The following TEX15 variants were observed in gnomAD, a reference collection of about 807,000 sequenced individuals.
TEX15 encodes the protein testis expressed 15, meiosis and synapsis associated, also known as testis-expressed protein 15.
A neutral mutation model predicts 237.3 loss-of-function variants in TEX15; 171 were observed. The observed-to-expected ratio is 0.72, with a 90% CI of 0.64 to 0.82. The LOEUF is 0.82. Ranked by LOEUF, TEX15 falls within the 40% of genes least tolerant of loss-of-function variation. TEX15 has a pLI of 0.00. For missense variants in TEX15, 3,750 were observed against 3,646.5 expected (o/e 1.03, Z -0.73); for synonymous variants, 1,338 against 1,269.8 (o/e 1.05, Z -1.14).
At position 30,843,221 on chromosome 8, in the gene TEX15, C is replaced by G. The variant is rs780265053; in HGVS notation, c.6946G>C (p.Asp2316His). The G allele has an allele frequency of 6.2e-6, 10 of 1,613,298 alleles. No homozygotes were observed. Among genetic ancestry groups the G allele is most frequent in the African/African-American group, 1.3e-5 (1 of 74,904 alleles). The change falls in exon 8 of 11, where the codon GAT becomes CAT. Residue 2316 changes from aspartate (D) to histidine (H), a missense_variant. Coordinates refer to ENST00000643185, the MANE Select transcript of TEX15 (RefSeq NM_001350162.2). Reference protein sequence around the residue: ...CAFSKLQKIYDTLSKDLNNEP... With the variant: ...CAFSKLQKIYHTLSKDLNNEP... ...TTGTTTAAATCTTTAGACAAAGTAT[C>G]ATATATCTTCTGCAACTTAGAAAAG...
rs1303286238 is a variant in TEX15, at chr8:30,832,992, AAAC to A, written c.*291_*293del. ...GCACAATGCCATCAACAATGTATTG[AAAC>A]ATATCAGAAGCAAGAATCTAGTTTT... On this transcript the variant is annotated 3_prime_UTR_variant, in exon 11 of 11. Transcript: ENST00000643185. 4.4e-6 allele frequency: 1 copy of A among 224,808 alleles called. No individual in the cohort carries two copies. The highest frequency in any genetic ancestry group is 8.6e-6 in the Non-Finnish European group (1 of 115,904). 13.9% of individuals were successfully genotyped at this position (224,808 alleles called of 1,614,324 possible). A position where few individuals can be genotyped will look rare whatever the true frequency, so the allele number is the denominator to read the frequency against.
At chr8:30,871,968 T>C (rs1261458371) in intron 4 of TEX15, among the ~76,000 whole-genome samples, 3 of 152,158 alleles carry the variant, frequency 2.0e-5, no homozygotes, top group Non-Finnish European at 4.4e-5. Context: ...TATTAACTTG[T>C]CCTTAGCACA....
At chr8:30,899,553 C>T (rs749403746) in intron 1 of TEX15, among the ~76,000 whole-genome samples, 9 of 152,146 alleles carry the variant, frequency 5.9e-5, no homozygotes, top group Non-Finnish European at 1.2e-4. Flanking sequence ...TGGGTTCAAG[C>T]GATTCTCCTG....
chr8:30,875,002 TA>T lies in TEX15; in HGVS notation c.236del (p.Leu79TyrfsTer43). The T allele has an allele frequency of 7.2e-7, 1 of 1,391,990 alleles. No individual in the cohort carries two copies. 86.2% of individuals were successfully genotyped at this position (1,391,990 alleles called of 1,614,324 possible). On this transcript the variant is annotated frameshift_variant, in exon 4 of 11. Coordinates refer to ENST00000643185, the MANE Select transcript of TEX15 (RefSeq NM_001350162.2). LOFTEE classifies it high-confidence loss of function. ...RLDVNCDLQS[L>X]WQFGDTKLVH... ...CCAGTTTTGTATCCCCAAACTGCCA[TA>T]ACGACTGCAGATCACAGTTTACATC...
rs1808008015 is a variant in TEX15, at chr8:30,860,011, T to C, written c.587A>G (p.Asn196Ser). Residue 196 changes from asparagine (N) to serine (S), a missense_variant, in exon 6 of 11, where the codon AAT becomes AGT. By Grantham distance (46) the Asn-to-Ser change is conservative (BLOSUM62 1). Coordinates refer to ENST00000643185, the MANE Select transcript of TEX15 (RefSeq NM_001350162.2). ...AGGAGAAGGATCCAAAGAAACTTTA[T>C]TTTTATCCACAGAAGGTTGGATTTT... ...VKKIQPSVDK[N>S]KVSLDPSPNF... 1.3e-6 allele frequency: 2 copies of C among 1,509,650 alleles called. No homozygotes were observed. Among genetic ancestry groups the C allele is most frequent in the African/African-American group, 1.4e-5 (1 of 71,202 alleles). 93.5% of individuals were successfully genotyped at this position (1,509,650 alleles called of 1,614,324 possible). A position where few individuals can be genotyped will look rare whatever the true frequency, so the allele number is the denominator to read the frequency against.
At position 30,843,895 on chromosome 8, in the gene TEX15, C is replaced by T. The variant is rs549924526; in HGVS notation, c.6272G>A (p.Arg2091Lys). The change falls in exon 8 of 11, where the codon AGG becomes AAG. Residue 2091 changes from arginine to lysine, a missense_variant. Coordinates refer to ENST00000643185, the MANE Select transcript of TEX15 (RefSeq NM_001350162.2). ...CAATGTTGGTTCACCTTCTAAGTGC[C>T]TTTTTTTGTTTTCAATGAATTGAAT... ...ETIQFIENKK[R>K]HLEGEPTLRS... 3 of 1,612,802 alleles carry T rather than the reference C, an allele frequency of 1.9e-6. No individual in the cohort carries two copies. The highest frequency in any genetic ancestry group is 1.7e-5 in the Admixed American group (1 of 59,894).
In TEX15 at chr8:30,847,717, A is replaced by C. The variant is rs2128768241; in HGVS notation, c.2450T>G (p.Leu817Ter). Residue 817 changes from leucine (L) to a stop codon, truncating the protein, a stop_gained, in exon 8 of 11, where the codon TTA (leucine) becomes TGA (stop). Transcript: ENST00000643185. LOFTEE classifies it high-confidence loss of function. ...HRKNENEPVS[L>*]ENIQRDYKET... ...TTTATAGTCTCTCTGAATGTTCTCT[A>C]ATGACACTGGTTCATTTTCATTTTT... 1 of 1,613,776 alleles carries C rather than the reference A, an allele frequency of 6.2e-7. No individual in the cohort carries two copies. The highest frequency in any genetic ancestry group is 2.2e-5 in the East Asian group (1 of 44,844).
Position 30,848,187 on chromosome 8 carries a change from A to C in TEX15, c.1980T>G (p.Ile660Met), listed in dbSNP as rs1807670140. ...ETKISPIDNY[I>M]VLHQEYKESE... ...TCTCTTTGTATTCTTGGTGCAAAAC[A>C]ATGTAATTATCTATTGGACTGATTT... Residue 660 changes from isoleucine (I) to methionine (M), a missense_variant, in exon 8 of 11, where the codon ATT becomes ATG. Ile to Met is a conservative substitution (Grantham distance 10, BLOSUM62 1). Coordinates refer to ENST00000643185, the MANE Select transcript of TEX15 (RefSeq NM_001350162.2). The C allele has an allele frequency of 1.2e-6, 2 of 1,611,722 alleles. No homozygotes were observed. Among genetic ancestry groups the C allele is most frequent in the Non-Finnish European group, 1.7e-6 (2 of 1,179,588 alleles).
At chr8:30,872,342 A>G (rs323373) in intron 4 of TEX15, among the ~76,000 whole-genome samples, 54,408 of 152,026 alleles carry the variant, frequency 0.36, 14,937 homozygotes, top group African/African-American at 0.77. Context: ...GTGTCATAGC[A>G]TAATGCATCA....
At chr8:30,855,471 C>T (rs779781046) in intron 7 of TEX15, among the ~76,000 whole-genome samples, 1 of 152,178 alleles carries the variant, frequency 6.6e-6, no homozygotes, top group African/African-American at 2.4e-5. Context: ...TGAAGAAATT[C>T]TAACTCTCAG....
In TEX15 at chr8:30,848,250, T is replaced by C; in HGVS notation, c.1917A>G (p.Ser639=). 1 of 1,612,254 alleles carries C rather than the reference T, an allele frequency of 6.2e-7. No homozygotes were observed. Among genetic ancestry groups the C allele is most frequent in the Non-Finnish European group, 8.5e-7 (1 of 1,179,704 alleles). Residue 639 remains serine, a synonymous_variant, in exon 8 of 11, where the codon TCA becomes TCG. Coordinates refer to ENST00000643185, the MANE Select transcript of TEX15 (RefSeq NM_001350162.2). Reference sequence around the variant, plus strand: ...TGAAATCATTATCAATTTCTTTCCATGAAGTTTGCTTTTCTTCATGTTTGG... The same window carrying C: ...TGAAATCATTATCAATTTCTTTCCACGAAGTTTGCTTTTCTTCATGTTTGG... ...DSSKHEEKQT[S]WKEIDNDFTN... is the part of the protein sequence containing the mutation.
At chr8:30,889,965 A>G (rs990264483) in intron 2 of TEX15, among the ~76,000 whole-genome samples, 2 of 131,314 alleles carry the variant, frequency 1.5e-5, no homozygotes, top group Non-Finnish European at 3.3e-5. Context: ...ATATATATAT[A>G]TATGTATAAG....
intron 5 of TEX15, among the ~76,000 whole-genome samples, chr8:30,860,889 G>A (rs553240790): frequency 6.6e-6 from 1 of 151,966 alleles, no homozygotes; most frequent in African/African-American, 2.4e-5. Flanking sequence ...ATTTTAAAAT[G>A]TACTTGGAAG....
intron 1 of TEX15, among the ~76,000 whole-genome samples, chr8:30,907,563 TAA>T (rs909617705): frequency 2.5e-5 from 3 of 119,858 alleles, no homozygotes; most frequent in African/African-American, 1.1e-4. Flanking sequence ...AATTTATATA[TAA>T]TTTATTATAT....
intron 10 of TEX15, 98 bp from the exon 11 acceptor site, chr8:30,833,421 G>T: frequency 1.1e-6 from 1 of 895,352 alleles, no homozygotes; most frequent in Non-Finnish European, 1.7e-6. Context: ...TACAGCTAAA[G>T]AGATCAAAGT....
chr8:30,903,807 A>G (rs1809047866), intron 1 of TEX15, among the ~76,000 whole-genome samples: 1 of 152,182 alleles, frequency 6.6e-6, no homozygotes, highest in Non-Finnish European at 1.5e-5. Context: ...GCAGATATAA[A>G]CAGAGAGATA....
chr8:30,852,206 G>T (rs1361916333), intron 7 of TEX15, among the ~76,000 whole-genome samples: 1 of 134,278 alleles, frequency 7.4e-6, no homozygotes, highest in Admixed American at 8.4e-5. Flanking sequence ...CCGGGTTCAC[G>T]CCATTCTCCT....
chr8:30,911,459 G>C (rs1000450387), intron 1 of TEX15, among the ~76,000 whole-genome samples: 11 of 152,106 alleles, frequency 7.2e-5, no homozygotes, highest in Non-Finnish European at 1.3e-4. Context: ...GCCAAAGCTT[G>C]TATCACTTCT....
intron 4 of TEX15, among the ~76,000 whole-genome samples, chr8:30,872,224 C>T (rs1458380370): frequency 6.6e-6 from 1 of 152,050 alleles, no homozygotes; most frequent in African/African-American, 2.4e-5. Context: ...AGTCATGTGC[C>T]ATAGTAGACA....
Sources: gnomAD v4.1 joint callset for allele counts (sites outside exome capture counted in the v4.1 genomes callset) on GRCh38, gnomAD v4.1.1 for gene constraint, MANE v1.5 for transcripts, NCBI Gene and HGNC (gene_info 2026-07-23, HGNC 2026-07-21) for gene names.